Variants in TMCC3 observed in about 807,000 individuals in gnomAD.
TMCC3 encodes the protein transmembrane and coiled-coil domain protein 3.
A neutral mutation model predicts 40.2 loss-of-function variants in TMCC3; 28 were observed. The observed-to-expected ratio is 0.70, with a 90% CI of 0.52 to 0.95. The LOEUF (loss-of-function observed/expected upper bound fraction) is 0.95, where lower values mean the gene tolerates loss of function less well. Ranked by LOEUF, TMCC3 falls within the 40% of genes least tolerant of loss-of-function variation. The pLI is 0.00. For missense variants in TMCC3, 554 were observed against 615.2 expected (o/e 0.90, Z 1.05); for synonymous variants, 255 against 248.5 (o/e 1.03, Z -0.25).
At position 94,567,538 on chromosome 12, in the gene TMCC3, G is replaced by GGAAACTATAA. The variant is rs2138807762; in HGVS notation, c.*3896_*3897insTTATAGTTTC. 6.6e-6 allele frequency: 1 copy of GGAAACTATAA among 151,044 alleles called. No individual in the cohort carries two copies. Among genetic ancestry groups the GGAAACTATAA allele is most frequent in the Admixed American group, 6.6e-5 (1 of 15,094 alleles). The allele number at this position is 151,044 out of a possible 1,614,324, so 9.4% of individuals were successfully genotyped here. ...ACTGTACTGATTTCAGGAAACTATA[G>GGAAACTATAA]GTTAGTTCTGTTTCATATCTTTTTT... On this transcript the variant is annotated 3_prime_UTR_variant, in exon 4 of 4. Coordinates refer to ENST00000261226, the MANE Select transcript of TMCC3 (RefSeq NM_020698.4).
At chr12:94,638,002 A>T (rs1262786557) in intron 1 of TMCC3, among the ~76,000 whole-genome samples, 2 of 152,198 alleles carry the variant, frequency 1.3e-5, no homozygotes, top group Admixed American at 1.3e-4. Flanking sequence ...AGAGGGAGGC[A>T]TGGGAGTCCA....
intron 3 of TMCC3, among the ~76,000 whole-genome samples, chr12:94,573,346 G>A (rs896685430): frequency 4.6e-5 from 7 of 152,108 alleles, no homozygotes; most frequent in Non-Finnish European, 8.8e-5. Context: ...AACCTTACAC[G>A]AATTTCCCTA....
At chr12:94,621,718 A>G (rs1195926632) in intron 1 of TMCC3, among the ~76,000 whole-genome samples, 1 of 152,250 alleles carries the variant, frequency 6.6e-6, no homozygotes, top group Non-Finnish European at 1.5e-5. Flanking sequence ...GATTAATGAT[A>G]GCTGGGAGCT....
At chr12:94,601,276 A>G (rs1249362346) in intron 1 of TMCC3, among the ~76,000 whole-genome samples, 3 of 152,040 alleles carry the variant, frequency 2.0e-5, no homozygotes, top group Non-Finnish European at 2.9e-5. Context: ...ACACTTTGGG[A>G]GGCTGAGGCG....
chr12:94,613,105 C>A (rs983868431), intron 1 of TMCC3, among the ~76,000 whole-genome samples: 1 of 142,674 alleles, frequency 7.0e-6, no homozygotes, highest in African/African-American at 2.8e-5. Flanking sequence ...AAAATGGATA[C>A]ACACACACAC....
intron 1 of TMCC3, among the ~76,000 whole-genome samples, chr12:94,606,030 A>C (rs1178452854): frequency 6.6e-6 from 1 of 151,682 alleles, no homozygotes; most frequent in Non-Finnish European, 1.5e-5. Flanking sequence ...AACAAACAAA[A>C]AAACAAGTAT....
chr12:94,648,881 T>C (rs529192953), intron 1 of TMCC3, among the ~76,000 whole-genome samples: 1 of 152,352 alleles, frequency 6.6e-6, no homozygotes, highest in East Asian at 1.9e-4. Flanking sequence ...ATATTAACTT[T>C]ACAGAATCCT....
intron 1 of TMCC3, among the ~76,000 whole-genome samples, chr12:94,620,215 A>C (rs1279328537): frequency 6.6e-6 from 1 of 152,114 alleles, no homozygotes; most frequent in Non-Finnish European, 1.5e-5. Context: ...GGGGAAAAGG[A>C]CAAGAAGCTG....
chr12:94,617,517 C>A (rs975658936), intron 1 of TMCC3, among the ~76,000 whole-genome samples: 1 of 152,198 alleles, frequency 6.6e-6, no homozygotes, highest in African/African-American at 2.4e-5. Flanking sequence ...TGATCATATA[C>A]TGCTTTGTAT....
At chr12:94,605,570 C>A (rs1343592131) in intron 1 of TMCC3, among the ~76,000 whole-genome samples, 1 of 152,142 alleles carries the variant, frequency 6.6e-6, no homozygotes, top group Admixed American at 6.5e-5. Flanking sequence ...AGAACACTGT[C>A]CATCACATAT....
intron 1 of TMCC3, among the ~76,000 whole-genome samples, chr12:94,641,199 CA>C (rs112330938): frequency 2.2e-4 from 32 of 142,964 alleles, no homozygotes; most frequent in African/African-American, 3.4e-4. Flanking sequence ...GACCCTGTCT[CA>C]AAAAAAAAAA....
chr12:94,578,261 G>T, intron 3 of TMCC3, 133 bp downstream of exon 3: 2 of 931,700 alleles, frequency 2.1e-6, no homozygotes, highest in East Asian at 2.9e-5. Flanking sequence ...CAGATAAAAT[G>T]TTTGTGCAGA....
At chr12:94,623,060 T>C (rs987940200) in intron 1 of TMCC3, among the ~76,000 whole-genome samples, 2 of 151,738 alleles carry the variant, frequency 1.3e-5, no homozygotes, top group Non-Finnish European at 2.9e-5. Flanking sequence ...TTTCTGAAAT[T>C]TGAGTAGCTG....
intron 1 of TMCC3, among the ~76,000 whole-genome samples, chr12:94,601,782 C>A (rs2068753870): frequency 8.6e-6 from 1 of 116,458 alleles, no homozygotes; most frequent in Admixed American, 1.2e-4. Context: ...GCACTCCAGC[C>A]TGGGTGACAG....
At chr12:94,602,573 A>G (rs945068319) in intron 1 of TMCC3, among the ~76,000 whole-genome samples, 3 of 152,196 alleles carry the variant, frequency 2.0e-5, no homozygotes, top group Non-Finnish European at 2.9e-5. Context: ...AAACTTGTAG[A>G]TAACTGAAAC....
intron 1 of TMCC3, chr12:94,598,456 AC>A (rs1417703863): frequency 2.9e-6 from 1 of 349,946 alleles, no homozygotes; most frequent in Middle Eastern, 1.4e-3. Flanking sequence ...CCTTGGTGCC[AC>A]GAGGCAATTA....
chr12:94,625,180 G>A (rs138202834), intron 1 of TMCC3, among the ~76,000 whole-genome samples: 2 of 150,498 alleles, frequency 1.3e-5, no homozygotes, highest in East Asian at 3.9e-4. Flanking sequence ...ACAGAGGTTT[G>A]ATTACCTCTG....
chr12:94,572,029 CT>C (rs2068532812), intron 3 of TMCC3, among the ~76,000 whole-genome samples: 1 of 152,144 alleles, frequency 6.6e-6, no homozygotes, highest in African/African-American at 2.4e-5. Context: ...GAGATGTAGT[CT>C]TGCTCTGTCG....
Position 94,582,022 on chromosome 12 carries a change from C to T in TMCC3, c.595G>A (p.Val199Ile), listed in dbSNP as rs2068605700. 5.6e-6 allele frequency: 9 copies of T among 1,614,032 alleles called. No individual in the cohort carries two copies. Among genetic ancestry groups the T allele is most frequent in the South Asian group, 1.1e-5 (1 of 91,076 alleles). Reference sequence around the variant, plus strand: ...GCAAACTCTCTGGACTTATTGAAAACGAACACAGGTGGAGTAAGTGAGACC... The same window carrying T: ...GCAAACTCTCTGGACTTATTGAAAATGAACACAGGTGGAGTAAGTGAGACC... ...PGVSLTPPVF[V>I]FNKSREFANL... is the part of the protein sequence containing the mutation. The change falls in exon 2 of 4, where the codon GTT becomes ATT. Residue 199 changes from valine (V) to isoleucine (I), a missense_variant. Coordinates refer to ENST00000261226, the MANE Select transcript of TMCC3 (RefSeq NM_020698.4).
Sources: gnomAD v4.1 joint callset for allele counts (sites outside exome capture counted in the v4.1 genomes callset) on GRCh38, gnomAD v4.1.1 for gene constraint, MANE v1.5 for transcripts, NCBI Gene and HGNC (gene_info 2026-07-23, HGNC 2026-07-21) for gene names.